The following ITPR2 variants were observed in gnomAD, a reference collection of about 807,000 sequenced individuals.
The protein encoded by ITPR2 is inositol 1,4,5-trisphosphate-gated calcium channel ITPR2.
ITPR2 carries 207 observed loss-of-function variants against 317.1 expected under a neutral mutation model. The ratio of observed to expected loss-of-function variants is 0.65; its 90% CI spans 0.58 to 0.73. The LOEUF is 0.73. ITPR2 is among the 30% of genes least tolerant of loss of function. The pLI is 0.00. For missense variants in ITPR2, 2,613 were observed against 3,284.0 expected, an observed-to-expected ratio of 0.80 and a Z score of 4.99; for synonymous variants, 1,156 against 1,149.1, an observed-to-expected ratio of 1.01 and a Z score of -0.12.
At chr12:26,422,148 GATTA>G (rs1396824140) in intron 49 of ITPR2, among the ~76,000 whole-genome samples, 15 of 149,470 alleles carry the variant, frequency 1.0e-4, no homozygotes, top group African/African-American at 1.7e-4. Flanking sequence ...TTTACTAAAT[GATTA>G]ATTAATATAT....
chr12:26,680,831 A>G (rs1948014954), intron 13 of ITPR2, among the ~76,000 whole-genome samples: 1 of 152,198 alleles, frequency 6.6e-6, no homozygotes. Flanking sequence ...ATTCTTGAAC[A>G]TGTGTCCTGG....
chr12:26,780,490 G>A (rs1950058486), intron 2 of ITPR2, among the ~76,000 whole-genome samples: 1 of 152,208 alleles, frequency 6.6e-6, no homozygotes, highest in Admixed American at 6.5e-5. Context: ...CTAAAGAAGT[G>A]CAGCAGTGGG....
intron 34 of ITPR2, among the ~76,000 whole-genome samples, chr12:26,567,969 T>TATTATATATATA (rs1491378302): frequency 1.4e-4 from 2 of 14,402 alleles, no homozygotes; most frequent in East Asian, 1.7e-3. Context: ...TATATATATA[T>TATTATATATATA]TATATATATT....
intron 22 of ITPR2, among the ~76,000 whole-genome samples, chr12:26,628,814 C>T (rs1206472710): frequency 1.3e-5 from 2 of 151,944 alleles, no homozygotes; most frequent in Non-Finnish European, 1.5e-5. Flanking sequence ...AGCCAATAGT[C>T]GAGTTGGGAA....
At chr12:26,393,694 T>C (rs932028234) in intron 54 of ITPR2, among the ~76,000 whole-genome samples, 1 of 152,232 alleles carries the variant, frequency 6.6e-6, no homozygotes, top group African/African-American at 2.4e-5. Flanking sequence ...TCCTCAGATT[T>C]CTGAATAAAC....
At chr12:26,735,710 G>C (rs2137071518) in intron 2 of ITPR2, among the ~76,000 whole-genome samples, 2 of 152,362 alleles carry the variant, frequency 1.3e-5, no homozygotes, top group East Asian at 3.9e-4. Flanking sequence ...CATGTGTACA[G>C]GTTAGGGTTA....
intron 37 of ITPR2, among the ~76,000 whole-genome samples, chr12:26,510,638 A>C (rs530326496): frequency 8.1e-4 from 123 of 152,374 alleles, no homozygotes; most frequent in Non-Finnish European, 1.3e-3. Flanking sequence ...TAATCTAGTC[A>C]TTACAGGAGG....
At chr12:26,430,540 G>A (rs7310580) in intron 48 of ITPR2, among the ~76,000 whole-genome samples, 85,740 of 152,084 alleles carry the variant, frequency 0.56, 26,406 homozygotes, top group Non-Finnish European at 0.7. Flanking sequence ...CTGGGATTAC[G>A]GGCATGAGCC....
At chr12:26,710,848 C>T (rs1330960920) in intron 9 of ITPR2, among the ~76,000 whole-genome samples, 5 of 152,110 alleles carry the variant, frequency 3.3e-5, no homozygotes, top group Non-Finnish European at 5.9e-5. Context: ...ATCTATGATG[C>T]GGACATTCTG....
chr12:26,506,025 G>A (rs1317458010), intron 37 of ITPR2, among the ~76,000 whole-genome samples: 1 of 151,448 alleles, frequency 6.6e-6, no homozygotes, highest in Non-Finnish European at 1.5e-5. Flanking sequence ...CAAATATTTA[G>A]CATAGTACTA....
At chr12:26,395,515 T>C (rs571419554) in intron 54 of ITPR2, among the ~76,000 whole-genome samples, 1 of 152,318 alleles carries the variant, frequency 6.6e-6, no homozygotes, top group East Asian at 1.9e-4. Context: ...AGAATGAGGC[T>C]TCCAGCCTCT....
At chr12:26,530,674 G>A (rs1279799774) in intron 37 of ITPR2, among the ~76,000 whole-genome samples, 1 of 152,078 alleles carries the variant, frequency 6.6e-6, no homozygotes, top group East Asian at 1.9e-4. Flanking sequence ...CTCCCCTACT[G>A]GGTTCTTAAA....
At chr12:26,395,832 C>T (rs1274085971) in intron 54 of ITPR2, among the ~76,000 whole-genome samples, 1 of 152,056 alleles carries the variant, frequency 6.6e-6, no homozygotes. Flanking sequence ...TTAGGTAGTC[C>T]TCCGCTCAAA....
At chr12:26,727,554 G>A (rs73292398) in intron 2 of ITPR2, among the ~76,000 whole-genome samples, 12,771 of 152,234 alleles carry the variant, frequency 0.084, 1,383 homozygotes, top group African/African-American at 0.26. Context: ...CCTAATTAGC[G>A]ATATCTTTGG....
At position 26,677,898 on chromosome 12, in the gene ITPR2, G is replaced by A. The variant is rs186038681; in HGVS notation, c.1409+3976C>T. On this transcript the variant is annotated intron_variant, in intron 13 of 56. Transcript: ENST00000381340. ...ACATCAGAATGACATCTGATCTGGT[G>A]ATCACATGGTGGATGACCCCTATTC... Among the ~76,000 whole-genome samples the A allele has an allele frequency of 5.9e-4, 90 of 152,262 alleles. 2 individuals are homozygous for A. Among genetic ancestry groups the A allele is most frequent in the Non-Finnish European group, 4.4e-5 (3 of 68,018 alleles).
In ITPR2 at chr12:26,352,016, G is replaced by A. The variant is rs1240739888; in HGVS notation, c.7858-11688C>T. On this transcript the variant is annotated intron_variant, in intron 55 of 56. Coordinates refer to ENST00000381340, the MANE Select transcript of ITPR2 (RefSeq NM_002223.4). ...GAATAGGGTATTGAATACTCAAGGG[G>A]GCATTCGTCCAATGTGTGGCTGCCC... Among the ~76,000 whole-genome samples the A allele has an allele frequency of 1.3e-5, 2 of 152,150 alleles. 1 individual carries two copies. Among genetic ancestry groups the A allele is most frequent in the Admixed American group, 1.3e-4 (2 of 15,276 alleles).
Position 26,665,978 on chromosome 12 carries a change from C to T in ITPR2, c.1483G>A (p.Asp495Asn). ...CGGTTTGGCTTAGTGATAACCACAT[C>T]CAGAACTTCTTGTCCATTATTAGGC... ...DVPNNGQEVL[D>N]VVITKPNRER... The change falls in exon 14 of 57, where the codon GAT (aspartate) becomes AAT (asparagine). Residue 495 changes from aspartate (D) to asparagine (N), a missense_variant. Asp to Asn is a conservative substitution (Grantham distance 23). Coordinates refer to ENST00000381340, the MANE Select transcript of ITPR2 (RefSeq NM_002223.4). 5 of 1,613,566 alleles carry T rather than the reference C, an allele frequency of 3.1e-6. No homozygotes were observed. The highest frequency in any genetic ancestry group is 4.2e-6 in the Non-Finnish European group (5 of 1,179,578).
chr12:26,669,725 C>T (rs1203774226), intron 13 of ITPR2, among the ~76,000 whole-genome samples: 1 of 152,202 alleles, frequency 6.6e-6, no homozygotes, highest in Non-Finnish European at 1.5e-5. Context: ...GCACCATGCG[C>T]GAGCCGAAGC....
intron 10 of ITPR2, among the ~76,000 whole-genome samples, chr12:26,687,880 T>G (rs1367009700): frequency 6.6e-6 from 1 of 152,032 alleles, no homozygotes; most frequent in Non-Finnish European, 1.5e-5. Context: ...TTCAGCAAAC[T>G]CTCCACAAAG....
Sources: gnomAD v4.1 joint callset for allele counts (sites outside exome capture counted in the v4.1 genomes callset) on GRCh38, gnomAD v4.1.1 for gene constraint, MANE v1.5 for transcripts, NCBI Gene and HGNC (gene_info 2026-07-23, HGNC 2026-07-21) for gene names.